Variants in SHPRH observed in about 807,000 individuals in gnomAD.
SHPRH encodes SNF2 histone linker PHD RING helicase, also known as E3 ubiquitin-protein ligase SHPRH.
In SHPRH, 106 loss-of-function variants were observed where a neutral mutation model predicts 202.5. The ratio of observed to expected loss-of-function variants is 0.52; its 90% CI spans 0.45 to 0.62. The LOEUF is 0.62. Ranked by LOEUF, SHPRH falls within the 20% of genes least tolerant of loss-of-function variation. The pLI, the probability that SHPRH is intolerant of heterozygous loss-of-function variation, is 0.00. For missense variants in SHPRH, 1,710 were observed against 2,020.0 expected (o/e 0.85, Z 2.94); for synonymous variants, 729 against 686.0 (o/e 1.06, Z -0.98).
chr6:145,940,205 G>A (rs1786601288), intron 11 of SHPRH, among the ~76,000 whole-genome samples: 3 of 152,058 alleles, frequency 2.0e-5, no homozygotes, highest in African/African-American at 7.2e-5. Context: ...AACAATAACG[G>A]TATATACATA....
At chr6:145,931,625 C>A (rs866174836) in intron 14 of SHPRH, among the ~76,000 whole-genome samples, 1 of 152,094 alleles carries the variant, frequency 6.6e-6, no homozygotes, top group African/African-American at 2.4e-5. Context: ...CACAAGCCAC[C>A]GTGCCTGGCC....
chr6:145,886,937 C>A (rs1781072593), intron 29 of SHPRH, 150 bp from the exon 30 acceptor site: 2 of 725,532 alleles, frequency 2.8e-6, no homozygotes, highest in South Asian at 2.6e-5. Context: ...GTGATAAAAT[C>A]TTTGTTATAC....
intron 25 of SHPRH, chr6:145,908,744 A>G (rs1469490344): frequency 6.6e-6 from 1 of 151,994 alleles, no homozygotes; most frequent in African/African-American, 2.4e-5. Context: ...GCTCTGCAGA[A>G]GCTCTTTAAT....
chr6:145,882,492 A>C (rs1371599000), downstream of SHPRH, among the ~76,000 whole-genome samples: 1 of 152,220 alleles, frequency 6.6e-6, no homozygotes, highest in African/African-American at 2.4e-5. Context: ...TTAATAGCGG[A>C]TTCACTTATA....
At chr6:145,895,433 A>G (rs372448846) in intron 25 of SHPRH, among the ~76,000 whole-genome samples, 2 of 152,198 alleles carry the variant, frequency 1.3e-5, no homozygotes, top group African/African-American at 4.8e-5. Context: ...ACCAATGGAG[A>G]ATGTTTTCTT....
chr6:145,891,896 A>G (rs1460790498), intron 28 of SHPRH, among the ~76,000 whole-genome samples: 1 of 152,206 alleles, frequency 6.6e-6, no homozygotes, highest in Non-Finnish European at 1.5e-5. Context: ...CAAAAAATCA[A>G]TATTTAAAAA....
At chr6:145,893,111 TA>T in intron 28 of SHPRH, 103 bp downstream of exon 28, 1 of 960,800 alleles carries the variant, frequency 1.0e-6, no homozygotes, top group Middle Eastern at 2.5e-4. Context: ...AGGAAGTAAT[TA>T]AAAACAAGTA....
intron 29 of SHPRH, 35 bp downstream of exon 29, chr6:145,887,985 C>T (rs780932319): frequency 2.0e-6 from 3 of 1,497,078 alleles, no homozygotes; most frequent in Admixed American, 1.7e-5. Flanking sequence ...ACAGGAAAAC[C>T]TTCCCCCTTC....
intron 1 of SHPRH, among the ~76,000 whole-genome samples, chr6:145,962,973 G>T (rs1220644433): frequency 6.6e-6 from 1 of 152,128 alleles, no homozygotes; most frequent in African/African-American, 2.4e-5. Context: ...AATCTTACTG[G>T]CCTAAACTCT....
At chr6:145,871,552 C>A (rs1780056817) in intron 2 of SHPRH, 1 of 152,074 alleles carries the variant, frequency 6.6e-6, no homozygotes, top group Non-Finnish European at 1.5e-5. Flanking sequence ...AGAGATGATG[C>A]AAACAAATGG....
chr6:145,863,431 T>C (rs1779647119), downstream of SHPRH, among the ~76,000 whole-genome samples: 1 of 152,252 alleles, frequency 6.6e-6, no homozygotes, highest in African/African-American at 2.4e-5. Context: ...ATGTATTTCC[T>C]GAGTTTAAGT....
At chr6:145,946,938 A>G (rs1012997703) in intron 6 of SHPRH, among the ~76,000 whole-genome samples, 5 of 151,992 alleles carry the variant, frequency 3.3e-5, no homozygotes, top group Non-Finnish European at 5.9e-5. Context: ...TTACTAGAAA[A>G]TATGAGCTAT....
At chr6:145,909,693 C>G (rs1216348124) in intron 25 of SHPRH, 7 of 152,054 alleles carry the variant, frequency 4.6e-5, no homozygotes, top group Admixed American at 4.6e-4. Flanking sequence ...TTCTCTAATT[C>G]TCATTCTCTA....
intron 20 of SHPRH, 108 bp downstream of exon 20, chr6:145,922,176 AAC>A: frequency 1.1e-6 from 1 of 917,162 alleles, no homozygotes; most frequent in Middle Eastern, 3.4e-4. Context: ...TAATTAAAGA[AAC>A]AATATAATAA....
intron 1 of SHPRH, among the ~76,000 whole-genome samples, chr6:145,961,195 G>A (rs141863740): frequency 1.3e-5 from 2 of 152,208 alleles, no homozygotes; most frequent in East Asian, 3.9e-4. Flanking sequence ...GTCGCAGGAT[G>A]GGGGACCACA....
intron 20 of SHPRH, among the ~76,000 whole-genome samples, chr6:145,921,727 T>C (rs1390281268): frequency 6.6e-6 from 1 of 151,854 alleles, no homozygotes; most frequent in Non-Finnish European, 1.5e-5. Flanking sequence ...TAAACAGAAT[T>C]TGGACAGAAA....
At chr6:145,934,534 C>T (rs1025816413) in intron 13 of SHPRH, among the ~76,000 whole-genome samples, 3 of 129,538 alleles carry the variant, frequency 2.3e-5, no homozygotes, top group African/African-American at 6.6e-5. Context: ...TAGCAGTGTG[C>T]ACTTGTAGTC....
At chr6:145,887,060 T>C (rs1359401665) in intron 29 of SHPRH, among the ~76,000 whole-genome samples, 1 of 152,220 alleles carries the variant, frequency 6.6e-6, no homozygotes, top group Non-Finnish European at 1.5e-5. Flanking sequence ...ACTAAGGCTC[T>C]CACCTTACAA....
intron 2 of SHPRH, among the ~76,000 whole-genome samples, chr6:145,877,353 G>A (rs981964103): frequency 6.6e-6 from 1 of 152,104 alleles, no homozygotes; most frequent in Admixed American, 6.5e-5. Flanking sequence ...ATAGTTCAGG[G>A]ACTAAGCTCT....
Sources: allele counts gnomAD v4.1 joint callset (sites outside exome capture counted in the v4.1 genomes callset), GRCh38; gene constraint gnomAD v4.1.1; transcripts MANE v1.5; gene names NCBI Gene and HGNC (gene_info 2026-07-23, HGNC 2026-07-21).